PTPRK: variants seen among roughly 807,000 people sequenced by gnomAD.
PTPRK encodes the protein protein tyrosine phosphatase receptor type K.
Under a neutral mutation model 178.0 loss-of-function variants are expected in PTPRK, and 75 were observed. That is an observed-to-expected ratio of 0.42 (90% CI 0.35 to 0.51). The LOEUF is 0.51. PTPRK is among the 20% of genes least tolerant of loss of function. The pLI is 0.02. For synonymous variants in PTPRK, 637 were observed against 620.6 expected (o/e 1.03, Z -0.39); for missense variants, 1,441 against 1,797.8 (o/e 0.80, Z 3.59).
intron 1 of PTPRK, among the ~76,000 whole-genome samples, chr6:128,407,051 T>C (rs1841736981): frequency 6.6e-6 from 1 of 152,212 alleles, no homozygotes; most frequent in South Asian, 2.1e-4. Context: ...CTCCCTCCAA[T>C]TTCTGCTTCC....
At chr6:128,303,215 G>A (rs17055587) in intron 3 of PTPRK, among the ~76,000 whole-genome samples, 8,108 of 152,158 alleles carry the variant, frequency 0.053, 721 homozygotes, top group African/African-American at 0.18. Flanking sequence ...ACCTACAGTC[G>A]CTAAATCTGC....
intron 3 of PTPRK, among the ~76,000 whole-genome samples, chr6:128,319,967 A>G (rs1338642502): frequency 6.6e-6 from 1 of 152,328 alleles, no homozygotes; most frequent in East Asian, 1.9e-4. Context: ...AGGTTAAGGA[A>G]AAAGATGTGA....
intron 17 of PTPRK, among the ~76,000 whole-genome samples, chr6:127,995,801 G>A (rs1188905913): frequency 6.6e-6 from 1 of 152,002 alleles, no homozygotes; most frequent in Non-Finnish European, 1.5e-5. Context: ...GTAATCATTT[G>A]AGTCATAGAA....
In PTPRK at chr6:128,322,310, C is replaced by A. The variant is rs1299260005; in HGVS notation, c.224G>T (p.Gly75Val). The A allele has an allele frequency of 1.3e-6, 2 of 1,561,868 alleles. No homozygotes were observed. Among genetic ancestry groups the A allele is most frequent in the African/African-American group, 2.7e-5 (2 of 73,406 alleles). ...TGAAGAGTCCACTATCATATAGGAA[C>A]CTGAAATGACATTACAAATAATAAT... ...PHYLPPEMPQ[G>V]SYMIVDSSDH... is the part of the protein sequence containing the mutation. The change falls in exon 3 of 30, where the codon GGT (glycine) becomes GTT (valine). Residue 75 changes from glycine to valine, a missense_variant and splice_region_variant. Physicochemically the swap from Gly to Val is moderately radical, Grantham distance 109 (BLOSUM62 -3). Around this residue, in one of 4 missense-constraint regions of PTPRK, gnomAD observed 158 missense variants for 188.0 expected, o/e 0.84. Coordinates refer to ENST00000368226, the MANE Select transcript of PTPRK (RefSeq NM_002844.4).
At chr6:127,978,243 G>A (rs1774842587) in intron 25 of PTPRK, among the ~76,000 whole-genome samples, 1 of 152,214 alleles carries the variant, frequency 6.6e-6, no homozygotes, top group South Asian at 2.1e-4. Context: ...TTGGCTCTGT[G>A]TCCCCACCCA....
intron 2 of PTPRK, among the ~76,000 whole-genome samples, chr6:128,339,815 C>T (rs888063286): frequency 1.3e-5 from 2 of 152,164 alleles, no homozygotes; most frequent in African/African-American, 4.8e-5. Context: ...CTTATTTAGA[C>T]TTAGAAAAGG....
At position 128,240,107 on chromosome 6, in the gene PTPRK, A is replaced by G; in HGVS notation, c.621T>C (p.Asn207=). 6.2e-7 allele frequency: 1 copy of G among 1,614,084 alleles called. No individual in the cohort carries two copies. The change falls in exon 5 of 30, where the codon AAT becomes AAC. Residue 207 remains asparagine (N), a synonymous_variant. Transcript: ENST00000368226. ...ACTGAAATGTAGCGTTTTGCCCTGCATTCACCTCTACATCCCCTAGACGGA... is the reference window on the plus strand; with the variant it reads ...ACTGAAATGTAGCGTTTTGCCCTGCGTTCACCTCTACATCCCCTAGACGGA... The part of the protein sequence containing the change: ...HFLRLGDVEV[N]AGQNATFQCI...
intron 2 of PTPRK, among the ~76,000 whole-genome samples, chr6:128,359,558 C>A (rs919326671): frequency 2.0e-5 from 3 of 151,710 alleles, no homozygotes; most frequent in Non-Finnish European, 4.4e-5. Context: ...CCGGGGCCAG[C>A]CTAACCTATA....
At position 128,327,783 on chromosome 6, in the gene PTPRK, G is replaced by A. The variant is rs78520463; in HGVS notation, c.224-5473C>T. 3.0e-3 allele frequency among the ~76,000 whole-genome samples: 450 copies of A among 152,228 alleles called. 1 individual carries two copies. Among genetic ancestry groups the A allele is most frequent in the Non-Finnish European group, 2.8e-3 (193 of 68,012 alleles). On this transcript the variant is annotated intron_variant, in intron 2 of 29. Transcript: ENST00000368226. ...CCTATAAGAAGATAGAAACTTTAACGCTGTGAAGAAAACCTTAAAGAACAA... is the reference window on the plus strand; with the variant it reads ...CCTATAAGAAGATAGAAACTTTAACACTGTGAAGAAAACCTTAAAGAACAA...
At chr6:128,302,932 A>G (rs1162236937) in intron 3 of PTPRK, among the ~76,000 whole-genome samples, 3 of 151,272 alleles carry the variant, frequency 2.0e-5, no homozygotes, top group Admixed American at 6.6e-5. Flanking sequence ...CAACCCCACA[A>G]CTCACAGTGT....
chr6:128,448,373 G>A (rs183908596), intron 1 of PTPRK, among the ~76,000 whole-genome samples: 23 of 152,186 alleles, frequency 1.5e-4, no homozygotes, highest in African/African-American at 4.8e-4. Context: ...AGAATGTTTG[G>A]TCTTTTCATT....
intron 3 of PTPRK, among the ~76,000 whole-genome samples, chr6:128,268,301 C>T (rs2128296268): frequency 6.6e-6 from 1 of 151,992 alleles, no homozygotes; most frequent in Admixed American, 6.6e-5. Flanking sequence ...ACCAGAGGTG[C>T]TTGTTAAATT....
At chr6:128,179,976 G>T (rs1272590065) in intron 7 of PTPRK, among the ~76,000 whole-genome samples, 1 of 151,898 alleles carries the variant, frequency 6.6e-6, no homozygotes, top group Non-Finnish European at 1.5e-5. Flanking sequence ...ACTGAAAATT[G>T]CCAAGAGCAT....
At chr6:128,475,247 T>C (rs1428619895) in intron 1 of PTPRK, among the ~76,000 whole-genome samples, 4 of 152,096 alleles carry the variant, frequency 2.6e-5, no homozygotes, top group Admixed American at 6.6e-5. Flanking sequence ...TAGTTGCTGT[T>C]TGGATTATAC....
intron 11 of PTPRK, among the ~76,000 whole-genome samples, chr6:128,074,167 A>T (rs2114968505): frequency 6.6e-6 from 1 of 152,134 alleles, no homozygotes; most frequent in South Asian, 2.1e-4. Flanking sequence ...GGTGGTGCTT[A>T]ATGTTATGAA....
intron 6 of PTPRK, among the ~76,000 whole-genome samples, chr6:128,188,010 A>G (rs949627281): frequency 4.6e-5 from 7 of 152,200 alleles, no homozygotes; most frequent in Non-Finnish European, 1.0e-4. Flanking sequence ...CAAATGAACA[A>G]GTAATCGTTC....
At chr6:128,357,141 A>C (rs1260151685) in intron 2 of PTPRK, among the ~76,000 whole-genome samples, 1 of 152,182 alleles carries the variant, frequency 6.6e-6, no homozygotes, top group East Asian at 1.9e-4. Context: ...ATCCTTCCTG[A>C]ACCAAGAAAC....
intron 6 of PTPRK, among the ~76,000 whole-genome samples, chr6:128,215,727 A>T (rs1172203192): frequency 1.3e-5 from 2 of 152,156 alleles, no homozygotes; most frequent in Non-Finnish European, 2.9e-5. Context: ...TTAGGAGAAA[A>T]TGCACTAATA....
chr6:128,150,118 G>A (rs1015128447), intron 7 of PTPRK, among the ~76,000 whole-genome samples: 1 of 152,148 alleles, frequency 6.6e-6, no homozygotes. Context: ...ATGCCAAGAA[G>A]TTTAGCGGAT....
Sources: allele counts gnomAD v4.1 joint callset (sites outside exome capture counted in the v4.1 genomes callset), GRCh38; gene constraint gnomAD v4.1.1; regional missense constraint gnomAD v4.1.1; transcripts MANE v1.5; gene names NCBI Gene and HGNC (gene_info 2026-07-23, HGNC 2026-07-21).